The following CD226 variants were observed in gnomAD, a reference collection of about 807,000 sequenced individuals.
The protein encoded by CD226 is CD226 antigen.
CD226 carries 24 observed loss-of-function variants against 34.9 expected under a neutral mutation model. That is an observed-to-expected ratio of 0.69 (90% CI 0.50 to 0.97). The LOEUF is 0.97. Ranked by LOEUF, CD226 falls within the 50% of genes least tolerant of loss-of-function variation. The probability of loss-of-function intolerance (pLI) is 0.00; values close to 1 mark genes in which losing one functional copy is unlikely to be tolerated. For synonymous variants in CD226, 148 were observed against 147.4 expected (o/e 1.00, Z -0.03); for missense variants, 397 against 412.7 (o/e 0.96, Z 0.33).
At chr18:69,913,567 GATC>G (rs2055351598) in intron 2 of CD226, among the ~76,000 whole-genome samples, 1 of 152,140 alleles carries the variant, frequency 6.6e-6, no homozygotes, top group Admixed American at 6.5e-5. Context: ...AAAAAAAATA[GATC>G]ATCTTAGAGC....
intron 3 of CD226, among the ~76,000 whole-genome samples, chr18:69,874,275 G>A (rs1254007049): frequency 6.6e-6 from 1 of 152,176 alleles, no homozygotes; most frequent in Non-Finnish European, 1.5e-5. Context: ...TGTCCCCTCT[G>A]GAGTGTGAGC....
chr18:69,888,484 T>G (rs1367682501), intron 3 of CD226, among the ~76,000 whole-genome samples: 1 of 146,572 alleles, frequency 6.8e-6, no homozygotes, highest in Non-Finnish European at 1.5e-5. Context: ...AATGGTGCAG[T>G]CATAGCTCAC....
chr18:69,880,570 GA>G (rs1165571818), intron 3 of CD226, among the ~76,000 whole-genome samples: 2 of 151,912 alleles, frequency 1.3e-5, no homozygotes, highest in African/African-American at 4.8e-5. Context: ...GGCTGTGCAA[GA>G]GAATGGGGAG....
At chr18:69,944,447 T>C (rs1188070244) in intron 2 of CD226, 1 of 152,208 alleles carries the variant, frequency 6.6e-6, no homozygotes, top group Non-Finnish European at 1.5e-5. Context: ...CAGGAAATAT[T>C]CCGAAGACTA....
intron 5 of CD226, among the ~76,000 whole-genome samples, chr18:69,866,281 C>A (rs547269497): frequency 6.6e-6 from 1 of 152,260 alleles, no homozygotes; most frequent in East Asian, 1.9e-4. Flanking sequence ...TCCATAGCAA[C>A]TTTTTTTGTG....
Position 69,891,081 on chromosome 18 carries a change from A to T in CD226, c.727+4620T>A, listed in dbSNP as rs187031867. 3.6e-4 allele frequency among the ~76,000 whole-genome samples: 54 copies of T among 152,074 alleles called. No individual in the cohort carries two copies. The East Asian group carries it at 9.7e-3, about 27-fold the overall frequency. On this transcript the variant is annotated intron_variant, in intron 3 of 5. Coordinates refer to ENST00000582621, the MANE Select transcript of CD226 (RefSeq NM_001303618.2). ...GAACACAGATGAAAAAATCCTCAAC[A>T]AAATACTAGCAAACTAAATTCACCA...
intron 2 of CD226, among the ~76,000 whole-genome samples, chr18:69,928,693 T>C (rs936103833): frequency 4.6e-5 from 7 of 152,198 alleles, no homozygotes; most frequent in African/African-American, 1.7e-4. Flanking sequence ...ATCTGAAATC[T>C]AAAATGCTCC....
At chr18:69,949,206 C>A (rs1218153948), upstream of CD226, among the ~76,000 whole-genome samples, 2 of 152,136 alleles carry the variant, frequency 1.3e-5, no homozygotes, top group Non-Finnish European at 2.9e-5. Flanking sequence ...AGCACAATTC[C>A]TCAGGCAAAG....
At chr18:69,926,600 G>C (rs1426196970) in intron 2 of CD226, among the ~76,000 whole-genome samples, 1 of 152,138 alleles carries the variant, frequency 6.6e-6, no homozygotes, top group Non-Finnish European at 1.5e-5. Flanking sequence ...ATATGTGTTA[G>C]TTGAAATGAG....
intron 3 of CD226, among the ~76,000 whole-genome samples, chr18:69,893,881 C>G (rs1223096556): frequency 6.6e-6 from 1 of 152,194 alleles, no homozygotes; most frequent in Admixed American, 6.5e-5. Flanking sequence ...ATACACAGAG[C>G]TATAGTGGAA....
In CD226 at chr18:69,882,258, G is replaced by A. The variant is rs185620503; in HGVS notation, c.728-9012C>T. Reference sequence around the variant, plus strand: ...ATAGCAAAATTAGTATATCAGGTGGGAAACTTTCTTTATGTTGAAAATACT... The same window carrying A: ...ATAGCAAAATTAGTATATCAGGTGGAAAACTTTCTTTATGTTGAAAATACT... On this transcript the variant is annotated intron_variant, in intron 3 of 5. Transcript: ENST00000582621. Among the ~76,000 whole-genome samples, 80 of 152,298 alleles carry A rather than the reference G, an allele frequency of 5.3e-4. 1 individual carries two copies. The East Asian group carries it at 0.015, about 28-fold the overall frequency.
At chr18:69,920,619 T>C (rs2055439650) in intron 2 of CD226, among the ~76,000 whole-genome samples, 1 of 152,212 alleles carries the variant, frequency 6.6e-6, no homozygotes, top group Non-Finnish European at 1.5e-5. Flanking sequence ...TTTGGGCCAA[T>C]TAATCATAAT....
rs1027893082 is a variant in CD226 at position 69,866,778 on chromosome 18, G to C, written c.885+579C>G. On this transcript the variant is annotated intron_variant, in intron 5 of 5. Coordinates refer to ENST00000582621, the MANE Select transcript of CD226 (RefSeq NM_001303618.2). ...GCTCAAACAACGCTGTGCTGGAGAG[G>C]GGTGGGCCTTTAAGTCCAAGATAAC... Among the ~76,000 whole-genome samples the C allele has an allele frequency of 5.3e-5, 8 of 152,090 alleles. No individual in the cohort carries two copies. The South Asian group carries it at 1.0e-3, about 20-fold the overall frequency.
At chr18:69,883,335 G>A (rs946226676) in intron 3 of CD226, among the ~76,000 whole-genome samples, 6 of 152,132 alleles carry the variant, frequency 3.9e-5, no homozygotes, top group South Asian at 2.1e-4. Context: ...GGAATATTGA[G>A]GAAAACAAAC....
At chr18:69,880,226 G>T (rs1984137880) in intron 3 of CD226, among the ~76,000 whole-genome samples, 1 of 148,798 alleles carries the variant, frequency 6.7e-6, no homozygotes, top group African/African-American at 2.5e-5. Context: ...AGGCAGGGAG[G>T]AGAAAGAAAG....
chr18:69,888,273 C>T (rs1014338874), intron 3 of CD226, among the ~76,000 whole-genome samples: 62 of 152,220 alleles, frequency 4.1e-4, no homozygotes, highest in African/African-American at 1.4e-3. Context: ...AAGAGACAAC[C>T]TCAAGCTGTT....
Position 69,856,328 on chromosome 18 carries a change from A to T in CD226, c.*7986T>A, listed in dbSNP as rs1487913936. ...AACTAACAAAACTGCAAGGAGAAAT[A>T]GAAAAATCCACTATTTTACTTGCAG... On this transcript the variant is annotated 3_prime_UTR_variant, in exon 6 of 6. Coordinates refer to ENST00000582621, the MANE Select transcript of CD226 (RefSeq NM_001303618.2). 6.6e-6 allele frequency: 1 copy of T among 152,236 alleles called. No homozygotes were observed. Among genetic ancestry groups the T allele is most frequent in the Non-Finnish European group, 1.5e-5 (1 of 68,036 alleles). 9.4% of individuals were successfully genotyped at this position (152,236 alleles called of 1,614,324 possible).
rs2145167216 is a variant in CD226, at chr18:69,862,496, C to G, written c.*1818G>C. On this transcript the variant is annotated 3_prime_UTR_variant, in exon 6 of 6. Transcript: ENST00000582621. ...ATATTTGTGGAAACATTTCATGAAT[C>G]CAGGTATAAAAAGATCTTTAAGCAA... The G allele has an allele frequency of 6.6e-6, 1 of 152,112 alleles. No individual in the cohort carries two copies. Among genetic ancestry groups the G allele is most frequent in the South Asian group, 2.1e-4 (1 of 4,816 alleles). The allele number at this position is 152,112 out of a possible 1,614,324, so 9.4% of individuals were successfully genotyped here. A position where few individuals can be genotyped will look rare whatever the true frequency, so the allele number is the denominator to read the frequency against.
At chr18:69,950,980 TGTGTGTGTGTGTGTG>T (rs2055848707), upstream of CD226, among the ~76,000 whole-genome samples, 1 of 127,476 alleles carries the variant, frequency 7.8e-6, no homozygotes, top group African/African-American at 3.6e-5. Flanking sequence ...TTTGTGTGTG[TGTGTGTGTGTGTGTG>T]TGTGTGTGTG....
Sources: gnomAD v4.1 joint callset for allele counts (sites outside exome capture counted in the v4.1 genomes callset) on GRCh38, gnomAD v4.1.1 for gene constraint, MANE v1.5 for transcripts, NCBI Gene and HGNC (gene_info 2026-07-23, HGNC 2026-07-21) for gene names.